OR51B6: variants seen among roughly 807,000 people sequenced by gnomAD.
OR51B6 encodes olfactory receptor 51B6.
For missense variants in OR51B6, 502 were observed against 382.2 expected (o/e 1.31, Z -2.61); for synonymous variants, 154 against 137.3 (o/e 1.12, Z -0.85).
Position 5,352,318 on chromosome 11 carries a change from C to T in OR51B6, c.811C>T (p.His271Tyr). 6.2e-7 allele frequency: 1 copy of T among 1,613,984 alleles called. No individual in the cohort carries two copies. The highest frequency in any genetic ancestry group is 8.5e-7 in the Non-Finnish European group (1 of 1,179,828). ...TGGAAAGCATGTTCCTCATGTCGTT[C>T]ACATCACAATGAGCTACATCCACTT... ...RFGKHVPHVV[H>Y]ITMSYIHFLF... is the part of the protein sequence containing the mutation. Residue 271 changes from histidine (H) to tyrosine (Y), a missense_variant, in exon 1 of 1, where the codon CAC (histidine) becomes TAC (tyrosine). His to Tyr is a moderately conservative substitution (Grantham distance 83). Coordinates refer to ENST00000380219, the MANE Select transcript of OR51B6 (RefSeq NM_001004750.1).
At position 5,351,916 on chromosome 11, in the gene OR51B6, A is replaced by G; in HGVS notation, c.409A>G (p.Thr137Ala). ...PLRYTSILTN[T>A]QVMKIGVRVL... ...AAGATATACCTCTATCCTGACCAACACCCAGGTAATGAAGATTGGTGTGCG... is the reference window on the plus strand; with the variant it reads ...AAGATATACCTCTATCCTGACCAACGCCCAGGTAATGAAGATTGGTGTGCG... The change falls in exon 1 of 1, where the codon ACC becomes GCC. Residue 137 changes from threonine to alanine, a missense_variant. Thr to Ala is a moderately conservative substitution (Grantham distance 58, BLOSUM62 0). Transcript: ENST00000380219. 6.2e-7 allele frequency: 1 copy of G among 1,613,124 alleles called. No individual in the cohort carries two copies. Among genetic ancestry groups the G allele is most frequent in the Non-Finnish European group, 8.5e-7 (1 of 1,179,220 alleles).
rs1849088399 is a variant in OR51B6, at chr11:5,351,598, G to A, written c.91G>A (p.Ala31Thr). The A allele has an allele frequency of 5.0e-6, 8 of 1,614,038 alleles. No individual in the cohort carries two copies. The East Asian group carries it at 8.9e-5, about 18-fold the overall frequency. Residue 31 changes from alanine (A) to threonine (T), a missense_variant, in exon 1 of 1, where the codon GCA becomes ACA. Transcript: ENST00000380219. ...TCACTGGATATTCATCCCATTATTG[G>A]CAGCCTACATCTCCATACTTCTTGG... is the stretch of plus-strand genomic sequence containing the variant. The part of the protein sequence containing the change: ...AHHWIFIPLL[A>T]AYISILLGNG...
In OR51B6 at chr11:5,352,218, C is replaced by T. The variant is rs767448982; in HGVS notation, c.711C>T (p.Asn237=). 6 of 1,614,026 alleles carry T rather than the reference C, an allele frequency of 3.7e-6. 1 individual carries two copies. The Admixed American group carries it at 5.0e-5, about 13-fold the overall frequency. Residue 237 remains asparagine, a synonymous_variant, in exon 1 of 1, where the codon AAC becomes AAT. Coordinates refer to ENST00000380219, the MANE Select transcript of OR51B6 (RefSeq NM_001004750.1). ...GAGGAGAAAGGGCCAAGGCCCTCAA[C>T]ACATGTGTCTCTCATATCTGCTGCA... ...GSGGERAKAL[N]TCVSHICCIL... is the part of the protein sequence containing the mutation.
chr11:5,351,756 G>A lies in OR51B6; in HGVS notation c.249G>A (p.Leu83=). The A allele has an allele frequency of 1.2e-6, 2 of 1,614,038 alleles. No individual in the cohort carries two copies. Among genetic ancestry groups the A allele is most frequent in the Non-Finnish European group, 1.7e-6 (2 of 1,179,978 alleles). Residue 83 remains leucine (L), a synonymous_variant, in exon 1 of 1, where the codon CTG becomes CTA. Transcript: ENST00000380219. ...CAATGCCCACAGTGCTAGGTGTTCT[G>A]TGGTTAGATCACAGGGAGATTGGCC... The part of the protein sequence containing the change: ...LTTMPTVLGV[L]WLDHREIGHG...
Position 5,352,414 on chromosome 11 carries a change from C to T in OR51B6, c.907C>T (p.Arg303Cys), listed in dbSNP as rs75565553. The T allele has an allele frequency of 9.5e-4, 1,524 of 1,608,416 alleles. 11 individuals carry two copies. In the African/African-American group the frequency reaches 0.017, roughly 18 times the overall value. Residue 303 changes from arginine (R) to cysteine (C), a missense_variant, in exon 1 of 1, where the codon CGT (arginine) becomes TGT (cysteine). Physicochemically the swap from Arg to Cys is radical, Grantham distance 180. Coordinates refer to ENST00000380219, the MANE Select transcript of OR51B6 (RefSeq NM_001004750.1). ...KTKQIQSGILRLFSLPHSRA is the reference protein window; with the variant it reads ...KTKQIQSGILCLFSLPHSRA ...TAAGCAGATTCAGAGTGGCATACTT[C>T]GTTTATTCTCTCTGCCTCACTCTAG...
rs562080465 is a variant in OR51B6 at position 5,352,325 on chromosome 11, C to T, written c.818C>T (p.Thr273Ile). ...CATGTTCCTCATGTCGTTCACATCACAATGAGCTACATCCACTTCCTTTTC... is the reference window on the plus strand; with the variant it reads ...CATGTTCCTCATGTCGTTCACATCATAATGAGCTACATCCACTTCCTTTTC... Reference protein sequence around the residue: ...GKHVPHVVHITMSYIHFLFPP... With the variant: ...GKHVPHVVHIIMSYIHFLFPP... The change falls in exon 1 of 1, where the codon ACA (threonine) becomes ATA (isoleucine). Residue 273 changes from threonine (T) to isoleucine (I), a missense_variant. By Grantham distance (89) the Thr-to-Ile change is moderately conservative. Transcript: ENST00000380219. 4.3e-6 allele frequency: 7 copies of T among 1,613,702 alleles called. No individual in the cohort carries two copies. The South Asian group carries it at 6.6e-5, about 15-fold the overall frequency.
In OR51B6 at chr11:5,351,609, C is replaced by T; in HGVS notation, c.102C>T (p.Ile34=). ...WIFIPLLAAY[I]SILLGNGTLL... The stretch of plus-strand genomic sequence containing the variant: ...TCATCCCATTATTGGCAGCCTACAT[C>T]TCCATACTTCTTGGCAATGGCACTC... Residue 34 remains isoleucine, a synonymous_variant, in exon 1 of 1, where the codon ATC becomes ATT. Transcript: ENST00000380219. 6.2e-7 allele frequency: 1 copy of T among 1,614,074 alleles called. No homozygotes were observed. Among genetic ancestry groups the T allele is most frequent in the Non-Finnish European group, 8.5e-7 (1 of 1,179,964 alleles).
rs1209662290 is a variant in OR51B6 at position 5,352,353 on chromosome 11, AC to A, written c.848del (p.Pro283LeufsTer3). 1 of 1,613,884 alleles carries A rather than the reference AC, an allele frequency of 6.2e-7. No homozygotes were observed. On this transcript the variant is annotated frameshift_variant, in exon 1 of 1. Transcript: ENST00000380219. LOFTEE classifies it low-confidence loss of function (END_TRUNC). ...TMSYIHFLFP[P>X]FMNPFIYSIK... ...TGAGCTACATCCACTTCCTTTTCCC[AC>A]CTTTTATGAACCCATTTATCTATAG... is the stretch of plus-strand genomic sequence containing the variant.
Position 5,352,066 on chromosome 11 carries a change from T to C in OR51B6, c.559T>C (p.Cys187Arg), listed in dbSNP as rs775166011. 6.2e-7 allele frequency: 1 copy of C among 1,614,098 alleles called. No homozygotes were observed. The highest frequency in any genetic ancestry group is 1.1e-5 in the South Asian group (1 of 91,082). ...CLHQDVIKLA[C>R]ADITFNRLYP... ...ACACCAAGATGTCATCAAGCTAGCCTGTGCTGACATCACCTTCAACCGTCT... is the reference window on the plus strand; with the variant it reads ...ACACCAAGATGTCATCAAGCTAGCCCGTGCTGACATCACCTTCAACCGTCT... The change falls in exon 1 of 1, where the codon TGT becomes CGT. Residue 187 changes from cysteine to arginine, a missense_variant. Cys to Arg is a radical substitution (Grantham distance 180). Transcript: ENST00000380219.
Position 5,352,424 on chromosome 11 carries a change from C to A in OR51B6, c.917C>A (p.Ser306Tyr). The A allele has an allele frequency of 2.5e-6, 4 of 1,596,080 alleles. No homozygotes were observed. Among genetic ancestry groups the A allele is most frequent in the South Asian group, 1.1e-5 (1 of 90,110 alleles). The change falls in exon 1 of 1, where the codon TCT becomes TAT. Residue 306 changes from serine (S) to tyrosine (Y), a missense_variant. Coordinates refer to ENST00000380219, the MANE Select transcript of OR51B6 (RefSeq NM_001004750.1). ...CAGAGTGGCATACTTCGTTTATTCT[C>A]TCTGCCTCACTCTAGAGCATGACAT... ...QIQSGILRLFSLPHSRA is the reference protein window; with the variant it reads ...QIQSGILRLFYLPHSRA
In OR51B6 at chr11:5,351,799, C is replaced by T. The variant is rs1849093167; in HGVS notation, c.292C>T (p.Gln98Ter). 1 of 1,614,120 alleles carries T rather than the reference C, an allele frequency of 6.2e-7. No individual in the cohort carries two copies. Among genetic ancestry groups the T allele is most frequent in the Non-Finnish European group, 8.5e-7 (1 of 1,179,994 alleles). Residue 98 changes from glutamine to a stop codon, truncating the protein, a stop_gained, in exon 1 of 1, where the codon CAG becomes TAG. Coordinates refer to ENST00000380219, the MANE Select transcript of OR51B6 (RefSeq NM_001004750.1). LOFTEE classifies it low-confidence loss of function (END_TRUNC). Reference sequence around the variant, plus strand: ...GATTGGCCATGGAGCCTGCTTCTCTCAGGCCTATTTTATCCATACTCTTTC... The same window carrying T: ...GATTGGCCATGGAGCCTGCTTCTCTTAGGCCTATTTTATCCATACTCTTTC... ...REIGHGACFS[Q>*]AYFIHTLSVM...
chr11:5,351,614 T>G lies in OR51B6; in HGVS notation c.107T>G (p.Ile36Arg). The G allele has an allele frequency of 1.2e-6, 2 of 1,614,142 alleles. No individual in the cohort carries two copies. The highest frequency in any genetic ancestry group is 1.7e-6 in the Non-Finnish European group (2 of 1,179,988). ...CCATTATTGGCAGCCTACATCTCCA[T>G]ACTTCTTGGCAATGGCACTCTTCTC... ...FIPLLAAYIS[I>R]LLGNGTLLFL... The change falls in exon 1 of 1, where the codon ATA becomes AGA. Residue 36 changes from isoleucine (I) to arginine (R), a missense_variant. Transcript: ENST00000380219.
In OR51B6 at chr11:5,351,995, G is replaced by C; in HGVS notation, c.488G>C (p.Trp163Ser). 6.2e-7 allele frequency: 1 copy of C among 1,613,524 alleles called. No individual in the cohort carries two copies. Among genetic ancestry groups the C allele is most frequent in the Non-Finnish European group, 8.5e-7 (1 of 1,179,490 alleles). Residue 163 changes from tryptophan (W) to serine (S), a missense_variant, in exon 1 of 1, where the codon TGG becomes TCG. Coordinates refer to ENST00000380219, the MANE Select transcript of OR51B6 (RefSeq NM_001004750.1). ...SIMPIVVRLH[W>S]FPYCRSHVLS... Reference sequence around the variant, plus strand: ...ATGCCAATAGTTGTTCGCCTACACTGGTTTCCCTACTGTCGATCCCATGTA... The same window carrying C: ...ATGCCAATAGTTGTTCGCCTACACTCGTTTCCCTACTGTCGATCCCATGTA...
At position 5,351,967 on chromosome 11, in the gene OR51B6, A is replaced by G; in HGVS notation, c.460A>G (p.Ile154Val). 1 of 1,613,202 alleles carries G rather than the reference A, an allele frequency of 6.2e-7. No individual in the cohort carries two copies. The highest frequency in any genetic ancestry group is 8.5e-7 in the Non-Finnish European group (1 of 1,179,148). Reference sequence around the variant, plus strand: ...GGTATTGACAAGGGCTGGTCTGTCCATTATGCCAATAGTTGTTCGCCTACA... The same window carrying G: ...GGTATTGACAAGGGCTGGTCTGTCCGTTATGCCAATAGTTGTTCGCCTACA... ...VRVLTRAGLS[I>V]MPIVVRLHWF... The change falls in exon 1 of 1, where the codon ATT becomes GTT. Residue 154 changes from isoleucine to valine, a missense_variant. By Grantham distance (29) the Ile-to-Val change is conservative. Coordinates refer to ENST00000380219, the MANE Select transcript of OR51B6 (RefSeq NM_001004750.1).
rs755339032 is a variant in OR51B6 at position 5,351,629 on chromosome 11, G to A, written c.122G>A (p.Gly41Asp). Residue 41 changes from glycine (G) to aspartate (D), a missense_variant, in exon 1 of 1, where the codon GGC (glycine) becomes GAC (aspartate). Physicochemically the swap from Gly to Asp is moderately conservative, Grantham distance 94 (BLOSUM62 -1). Coordinates refer to ENST00000380219, the MANE Select transcript of OR51B6 (RefSeq NM_001004750.1). ...AAYISILLGN[G>D]TLLFLIRNDH... Reference sequence around the variant, plus strand: ...TACATCTCCATACTTCTTGGCAATGGCACTCTTCTCTTTCTCATCAGGAAT... The same window carrying A: ...TACATCTCCATACTTCTTGGCAATGACACTCTTCTCTTTCTCATCAGGAAT... 23 of 1,613,882 alleles carry A rather than the reference G, an allele frequency of 1.4e-5. No individual in the cohort carries two copies. The South Asian group carries it at 2.3e-4, about 16-fold the overall frequency.
At position 5,352,173 on chromosome 11, in the gene OR51B6, T is replaced by C; in HGVS notation, c.666T>C (p.Thr222=). Residue 222 remains threonine (T), a synonymous_variant, in exon 1 of 1, where the codon ACT becomes ACC. Transcript: ENST00000380219. ...IFFSYILILK[T]VMGIGSGGER... ...TCTCCTACATTTTGATTCTCAAGACTGTCATGGGCATTGGTTCTGGAGGAG... is the reference window on the plus strand; with the variant it reads ...TCTCCTACATTTTGATTCTCAAGACCGTCATGGGCATTGGTTCTGGAGGAG... 1 of 1,614,230 alleles carries C rather than the reference T, an allele frequency of 6.2e-7. No individual in the cohort carries two copies. Among genetic ancestry groups the C allele is most frequent in the Non-Finnish European group, 8.5e-7 (1 of 1,180,032 alleles).
rs746785925 is a variant in OR51B6 at position 5,351,677 on chromosome 11, T to C, written c.170T>C (p.Met57Thr). ...AATGATCATAACCTCCATGAGCCCA[T>C]GTACTATTTCTTAGCTATGTTGGCA... ...IRNDHNLHEPMYYFLAMLAAT... is the reference protein window; with the variant it reads ...IRNDHNLHEPTYYFLAMLAAT... Residue 57 changes from methionine (M) to threonine (T), a missense_variant, in exon 1 of 1, where the codon ATG becomes ACG. Transcript: ENST00000380219. 1 of 1,614,152 alleles carries C rather than the reference T, an allele frequency of 6.2e-7. No homozygotes were observed. The highest frequency in any genetic ancestry group is 8.5e-7 in the Non-Finnish European group (1 of 1,180,014).
Position 5,351,848 on chromosome 11 carries a change from T to C in OR51B6, c.341T>C (p.Leu114Pro), listed in dbSNP as rs901742929. The change falls in exon 1 of 1, where the codon CTT (leucine) becomes CCT (proline). Residue 114 changes from leucine to proline, a missense_variant. Coordinates refer to ENST00000380219, the MANE Select transcript of OR51B6 (RefSeq NM_001004750.1). ...TLSVMESGVL[L>P]AMAYDCFITI... ...TCTGTCATGGAGTCAGGTGTCTTGC[T>C]TGCCATGGCTTATGACTGTTTCATT... 8 of 1,613,844 alleles carry C rather than the reference T, an allele frequency of 5.0e-6. No individual in the cohort carries two copies. Among genetic ancestry groups the C allele is most frequent in the Non-Finnish European group, 6.8e-6 (8 of 1,179,862 alleles).
In OR51B6 at chr11:5,352,170, G is replaced by C. The variant is rs140748106; in HGVS notation, c.663G>C (p.Lys221Asn). The change falls in exon 1 of 1, where the codon AAG (lysine) becomes AAC (asparagine). Residue 221 changes from lysine (K) to asparagine (N), a missense_variant. Coordinates refer to ENST00000380219, the MANE Select transcript of OR51B6 (RefSeq NM_001004750.1). ...TTTTCTCCTACATTTTGATTCTCAAGACTGTCATGGGCATTGGTTCTGGAG... is the reference window on the plus strand; with the variant it reads ...TTTTCTCCTACATTTTGATTCTCAACACTGTCATGGGCATTGGTTCTGGAG... ...IIFFSYILIL[K>N]TVMGIGSGGE... 38 of 1,614,018 alleles carry C rather than the reference G, an allele frequency of 2.4e-5. No homozygotes were observed. The African/African-American group carries it at 4.7e-4, about 20-fold the overall frequency.
Sources: gnomAD v4.1 joint callset for allele counts on GRCh38, gnomAD v4.1.1 for gene constraint, MANE v1.5 for transcripts, NCBI Gene and HGNC (gene_info 2026-07-23, HGNC 2026-07-21) for gene names.